The following PREX2 variants were observed in gnomAD, a reference collection of about 807,000 sequenced individuals.
PREX2 encodes phosphatidylinositol 3,4,5-trisphosphate-dependent Rac exchanger 2 protein.
PREX2 carries 107 observed loss-of-function variants against 203.2 expected under a neutral mutation model. The observed-to-expected ratio is 0.53, with a 90% CI of 0.45 to 0.62. The LOEUF is 0.62. PREX2 is among the 20% of genes least tolerant of loss of function. The pLI, the probability that PREX2 is intolerant of heterozygous loss-of-function variation, is 0.00. For missense variants in PREX2, 1,777 were observed against 1,955.9 expected, an observed-to-expected ratio of 0.91 and a Z score of 1.72; for synonymous variants, 672 against 663.6, an observed-to-expected ratio of 1.01 and a Z score of -0.19.
In PREX2 at chr8:68,069,215, CAT is replaced by C. The variant is rs1222493630; in HGVS notation, c.1443+81_1443+82del. Reference sequence around the variant, plus strand: ...CAGAAGATAAAAGGTAGTTGAGAAACATAAAAGATTTTTCTAGTTTAGAAAAT... The same window carrying C: ...CAGAAGATAAAAGGTAGTTGAGAAACAAAAGATTTTTCTAGTTTAGAAAAT... On this transcript the variant is annotated intron_variant, in intron 12 of 39. Transcript: ENST00000288368. 5.5e-6 allele frequency: 4 copies of C among 722,396 alleles called. No individual in the cohort carries two copies. The African/African-American group carries it at 5.7e-5, about 10-fold the overall frequency. 44.7% of individuals were successfully genotyped at this position (722,396 alleles called of 1,614,324 possible). A position where few individuals can be genotyped will look rare whatever the true frequency, so the allele number is the denominator to read the frequency against.
At position 68,090,605 on chromosome 8, in the gene PREX2, C is replaced by T. The variant is rs1661864044; in HGVS notation, c.2140C>T (p.His714Tyr). The T allele has an allele frequency of 6.2e-7, 1 of 1,609,708 alleles. No homozygotes were observed. Among genetic ancestry groups the T allele is most frequent in the Non-Finnish European group, 8.5e-7 (1 of 1,177,106 alleles). Residue 714 changes from histidine to tyrosine, a missense_variant, in exon 20 of 40, where the codon CAC becomes TAC. Transcript: ENST00000288368. ...RGTVAAAAGL[H>Y]PGQCIIKVNG... ...AACTGTGGCTGCAGCAGCTGGTCTT[C>T]ACCCTGGACAGTGCATTATCAAGGT...
At chr8:68,125,103 T>G (rs1224904626) in intron 30 of PREX2, among the ~76,000 whole-genome samples, 1 of 152,102 alleles carries the variant, frequency 6.6e-6, no homozygotes, top group Non-Finnish European at 1.5e-5. Context: ...ATCTGTGTGA[T>G]GTCCGGTCCT....
Position 68,232,660 on chromosome 8 carries a change from C to A in PREX2, c.*1282C>A, listed in dbSNP as rs1353928920. 1 of 152,020 alleles carries A rather than the reference C, an allele frequency of 6.6e-6. No individual in the cohort carries two copies. The highest frequency in any genetic ancestry group is 1.5e-5 in the Non-Finnish European group (1 of 68,018). 9.4% of individuals were successfully genotyped at this position (152,020 alleles called of 1,614,324 possible). A position where few individuals can be genotyped will look rare whatever the true frequency, so the allele number is the denominator to read the frequency against. On this transcript the variant is annotated 3_prime_UTR_variant, in exon 40 of 40. Transcript: ENST00000288368. ...TTGAAACTGAGTCTCACTCTGTTAC[C>A]CAGACTGGAGTGCGGTGGTGCAATC...
intron 38 of PREX2, among the ~76,000 whole-genome samples, chr8:68,218,586 A>G (rs1812890756): frequency 6.6e-6 from 1 of 152,190 alleles, no homozygotes; most frequent in South Asian, 2.1e-4. Flanking sequence ...AATTTTTAAG[A>G]TATGCTTTGT....
intron 35 of PREX2, among the ~76,000 whole-genome samples, chr8:68,171,448 A>G (rs1363743343): frequency 6.6e-6 from 1 of 152,028 alleles, no homozygotes; most frequent in African/African-American, 2.4e-5. Flanking sequence ...TAGTGTATCT[A>G]TGAAATGTGT....
intron 11 of PREX2, among the ~76,000 whole-genome samples, chr8:68,062,750 T>C (rs1051219748): frequency 6.6e-6 from 1 of 152,188 alleles, no homozygotes; most frequent in Non-Finnish European, 1.5e-5. Context: ...CCTATTTTTT[T>C]TTTTTACTTT....
intron 37 of PREX2, among the ~76,000 whole-genome samples, chr8:68,197,243 C>T (rs1365349104): frequency 3.9e-5 from 6 of 152,098 alleles, no homozygotes; most frequent in Admixed American, 1.3e-4. Flanking sequence ...TTATAATCCC[C>T]ATAAACCCCA....
At chr8:68,209,070 TAAAAAAAAA>T (rs994362514) in intron 37 of PREX2, among the ~76,000 whole-genome samples, 13 of 115,096 alleles carry the variant, frequency 1.1e-4, no homozygotes, top group African/African-American at 3.9e-4. Context: ...TGGACTCATT[TAAAAAAAAA>T]AAAAAAAAAA....
chr8:68,076,320 G>A (rs1466614841), intron 14 of PREX2, among the ~76,000 whole-genome samples: 2 of 152,072 alleles, frequency 1.3e-5, no homozygotes, highest in Non-Finnish European at 2.9e-5. Context: ...AGCCGGGTGT[G>A]TTGGCATGCA....
At chr8:68,063,114 A>T (rs1370654579) in intron 11 of PREX2, among the ~76,000 whole-genome samples, 2 of 152,220 alleles carry the variant, frequency 1.3e-5, no homozygotes, top group East Asian at 3.8e-4. Flanking sequence ...TTAAAAACTT[A>T]AAAGTAAAAA....
intron 17 of PREX2, 37 bp from the exon 18 acceptor site, chr8:68,083,203 A>G (rs752976940): frequency 1.3e-6 from 2 of 1,491,818 alleles, no homozygotes; most frequent in Non-Finnish European, 1.8e-6. Flanking sequence ...TCTTATTAAA[A>G]TATACTTTGA....
chr8:68,200,765 G>C (rs955636494), intron 37 of PREX2, among the ~76,000 whole-genome samples: 1 of 152,062 alleles, frequency 6.6e-6, no homozygotes, highest in African/African-American at 2.4e-5. Flanking sequence ...GTGTTTTCTA[G>C]TTCTGACATC....
chr8:68,205,621 G>T (rs576871624), intron 37 of PREX2, among the ~76,000 whole-genome samples: 64 of 152,244 alleles, frequency 4.2e-4, no homozygotes, highest in African/African-American at 1.3e-3. Context: ...GTAATGAAAG[G>T]GATCAGGGAA....
chr8:68,232,856 G>A lies in PREX2; in HGVS notation c.*1478G>A, dbSNP rs1813193406. The A allele has an allele frequency of 1.3e-5, 2 of 152,146 alleles. No individual in the cohort carries two copies. Among genetic ancestry groups the A allele is most frequent in the Admixed American group, 1.3e-4 (2 of 15,274 alleles). 9.4% of individuals were successfully genotyped at this position (152,146 alleles called of 1,614,324 possible). A position where few individuals can be genotyped will look rare whatever the true frequency, so the allele number is the denominator to read the frequency against. On this transcript the variant is annotated 3_prime_UTR_variant, in exon 40 of 40. Transcript: ENST00000288368. The stretch of plus-strand genomic sequence containing the variant: ...TGGTCTTGAACTCCTGACATCAAGT[G>A]ATCCACCCACCTCAGCCTCCCAAAG...
chr8:68,179,813 A>G (rs1027063122), intron 35 of PREX2, among the ~76,000 whole-genome samples: 1 of 152,168 alleles, frequency 6.6e-6, no homozygotes, highest in African/African-American at 2.4e-5. Context: ...TGTGATTAGT[A>G]TTTTTTGTTA....
Position 68,192,327 on chromosome 8 carries a change from T to C in PREX2, c.4414-8T>C, listed in dbSNP as rs756578311. 1.3e-6 allele frequency: 2 copies of C among 1,576,142 alleles called. No homozygotes were observed. Among genetic ancestry groups the C allele is most frequent in the South Asian group, 2.3e-5 (2 of 86,984 alleles). Reference sequence around the variant, plus strand: ...TTGAACTTGACGTTCATCACTTTTTTTCTGCAGCTAATGAGGCCTCTCAAC... The same window carrying C: ...TTGAACTTGACGTTCATCACTTTTTCTCTGCAGCTAATGAGGCCTCTCAAC... On this transcript the variant is annotated splice_region_variant and splice_polypyrimidine_tract_variant and intron_variant, in intron 36 of 39. Transcript: ENST00000288368.
At chr8:67,995,194 A>G (rs1321271862) in intron 1 of PREX2, among the ~76,000 whole-genome samples, 1 of 152,146 alleles carries the variant, frequency 6.6e-6, no homozygotes, top group South Asian at 2.1e-4. Flanking sequence ...AAGCCACATA[A>G]TAGAATCACT....
intron 37 of PREX2, among the ~76,000 whole-genome samples, chr8:68,195,896 G>T (rs1343624181): frequency 1.3e-5 from 2 of 152,106 alleles, no homozygotes; most frequent in Admixed American, 1.3e-4. Context: ...TGATATTAAA[G>T]GGAAGAATGT....
intron 38 of PREX2, among the ~76,000 whole-genome samples, chr8:68,218,707 T>C (rs747021772): frequency 1.3e-5 from 2 of 152,168 alleles, no homozygotes; most frequent in African/African-American, 2.4e-5. Flanking sequence ...ACAAAGCCCA[T>C]GAAAAAGTCA....
Sources: allele counts gnomAD v4.1 joint callset (sites outside exome capture counted in the v4.1 genomes callset), GRCh38; gene constraint gnomAD v4.1.1; transcripts MANE v1.5; gene names NCBI Gene and HGNC (gene_info 2026-07-23, HGNC 2026-07-21).